PTPRN2: variants seen among roughly 807,000 people sequenced by gnomAD.
PTPRN2 encodes the protein protein tyrosine phosphatase receptor type N2, also known as receptor-type tyrosine-protein phosphatase N2.
PTPRN2 carries 74 observed loss-of-function variants against 118.8 expected under a neutral mutation model. The observed-to-expected ratio is 0.62, with a 90% CI of 0.52 to 0.76. The LOEUF is 0.76. Among genes scored for constraint, PTPRN2 ranks in the 30% least tolerant of loss-of-function variants. PTPRN2 has a pLI of 0.00. For synonymous variants in PTPRN2, 641 were observed against 608.0 expected (o/e 1.05, Z -0.80); for missense variants, 1,481 against 1,394.4 (o/e 1.06, Z -0.99).
intron 3 of PTPRN2, among the ~76,000 whole-genome samples, chr7:158,256,535 C>G (rs1436979899): frequency 6.6e-6 from 1 of 151,864 alleles, no homozygotes; most frequent in Non-Finnish European, 1.5e-5. Context: ...CCTATTGGTT[C>G]AGGTACCTGA....
At chr7:157,588,694 C>T (rs1800814381) in intron 17 of PTPRN2, among the ~76,000 whole-genome samples, 1 of 152,238 alleles carries the variant, frequency 6.6e-6, no homozygotes, top group African/African-American at 2.4e-5. Context: ...TTGTAAACAA[C>T]ACCTACTCTG....
intron 11 of PTPRN2, among the ~76,000 whole-genome samples, chr7:158,051,370 C>T (rs1004792934): frequency 1.3e-5 from 2 of 152,214 alleles, no homozygotes; most frequent in Admixed American, 6.5e-5. Context: ...GCCCTCCCCT[C>T]AAACATCAGA....
chr7:158,087,039 C>A (rs1043974593), intron 10 of PTPRN2, among the ~76,000 whole-genome samples: 6 of 152,168 alleles, frequency 3.9e-5, no homozygotes, highest in Non-Finnish European at 8.8e-5. Context: ...ATCGGGGGAA[C>A]AAGACAAACA....
intron 2 of PTPRN2, among the ~76,000 whole-genome samples, chr7:158,369,000 A>C (rs1175791170): frequency 1.3e-5 from 2 of 151,900 alleles, no homozygotes; most frequent in African/African-American, 4.8e-5. Context: ...GGGCAGACCC[A>C]CCCTCAGTCT....
chr7:158,330,079 G>A (rs1586290354), intron 2 of PTPRN2, among the ~76,000 whole-genome samples: 1 of 143,550 alleles, frequency 7.0e-6, no homozygotes, highest in African/African-American at 2.6e-5. Flanking sequence ...CATAAGAGCT[G>A]ACACCTGCAG....
At chr7:158,134,747 C>T (rs1163953757) in intron 8 of PTPRN2, among the ~76,000 whole-genome samples, 5 of 152,184 alleles carry the variant, frequency 3.3e-5, no homozygotes, top group Non-Finnish European at 7.3e-5. Flanking sequence ...CCTCGGAACC[C>T]CCTGGCACCT....
At chr7:157,554,044 C>T (rs1486071455) in intron 21 of PTPRN2, among the ~76,000 whole-genome samples, 33 of 118,048 alleles carry the variant, frequency 2.8e-4, no homozygotes, top group African/African-American at 9.3e-4. Flanking sequence ...GGATCCTGCC[C>T]GCTCGCGTGC....
chr7:158,166,840 AC>A, intron 6 of PTPRN2, 90 bp downstream of exon 6: 1 of 1,366,360 alleles, frequency 7.3e-7, no homozygotes, highest in African/African-American at 1.5e-5. Flanking sequence ...TGCAGACCCC[AC>A]GTGTGGGAAG....
At chr7:158,333,198 T>G (rs1248738754) in intron 2 of PTPRN2, among the ~76,000 whole-genome samples, 1 of 105,226 alleles carries the variant, frequency 9.5e-6, no homozygotes, top group African/African-American at 4.3e-5. Context: ...ACTCTCACCA[T>G]AAGAGCTGTC....
intron 2 of PTPRN2, among the ~76,000 whole-genome samples, chr7:158,381,230 TCA>T (rs1810946581): frequency 6.6e-6 from 1 of 152,216 alleles, no homozygotes; most frequent in Non-Finnish European, 1.5e-5. Flanking sequence ...TTATTTTCTA[TCA>T]CACTGTCAGG....
chr7:157,725,583 C>T (rs1799528010), intron 12 of PTPRN2, among the ~76,000 whole-genome samples: 1 of 139,588 alleles, frequency 7.2e-6, no homozygotes, highest in African/African-American at 2.8e-5. Context: ...CAGACCCTCG[C>T]CTCCCAGGAG....
intron 1 of PTPRN2, among the ~76,000 whole-genome samples, chr7:158,571,507 A>C (rs1049489220): frequency 2.7e-5 from 4 of 148,274 alleles, no homozygotes; most frequent in Admixed American, 6.8e-5. Flanking sequence ...AAAAACAAAA[A>C]AAAACACACA....
intron 3 of PTPRN2, among the ~76,000 whole-genome samples, chr7:158,297,325 C>G (rs1378404404): frequency 2.0e-5 from 3 of 152,196 alleles, no homozygotes; most frequent in Non-Finnish European, 2.9e-5. Context: ...CTGAAATGTA[C>G]CAGAGAAACT....
At position 158,525,879 on chromosome 7, in the gene PTPRN2, TCA is replaced by T. The variant is rs1824739603; in HGVS notation, c.113-36096_113-36095del. Among the ~76,000 whole-genome samples the T allele has an allele frequency of 6.6e-6, 1 of 152,146 alleles. No homozygotes were observed. Among genetic ancestry groups the T allele is most frequent in the African/African-American group, 2.4e-5 (1 of 41,500 alleles). On this transcript the variant is annotated intron_variant, in intron 1 of 22. Transcript: ENST00000389418. This position sits in a 1 kb window ranked among gnomAD's most constrained non-coding sequence, Gnocchi z 4.1. Reference sequence around the variant, plus strand: ...TGATACAGGGTGAAGACGCCTCCCCTCACAGACCTCAGACCTGTCCCAGAGCC... The same window carrying T: ...TGATACAGGGTGAAGACGCCTCCCCTCAGACCTCAGACCTGTCCCAGAGCC...
At chr7:157,657,788 C>T (rs1795650160) in intron 13 of PTPRN2, among the ~76,000 whole-genome samples, 1 of 120,324 alleles carries the variant, frequency 8.3e-6, no homozygotes, top group Non-Finnish European at 1.8e-5. Context: ...CATATACACA[C>T]ACAAACGCCA....
At chr7:158,334,103 C>A (rs1236016420) in intron 2 of PTPRN2, among the ~76,000 whole-genome samples, 3 of 74,886 alleles carry the variant, frequency 4.0e-5, no homozygotes, top group Admixed American at 1.6e-4. Context: ...GAGGTGACAC[C>A]TGCAGACGTC....
At chr7:158,016,072 A>G (rs1806433531) in intron 11 of PTPRN2, among the ~76,000 whole-genome samples, 1 of 152,226 alleles carries the variant, frequency 6.6e-6, no homozygotes, top group South Asian at 2.1e-4. Flanking sequence ...TCAGGGAATA[A>G]GAGCCACTCC....
At chr7:158,167,982 G>C (rs1410099044) in intron 5 of PTPRN2, among the ~76,000 whole-genome samples, 9 of 152,210 alleles carry the variant, frequency 5.9e-5, no homozygotes. Flanking sequence ...TTATGAGTCT[G>C]TGTATCAATG....
chr7:158,245,208 ACGG>A (rs1796154325), intron 3 of PTPRN2, among the ~76,000 whole-genome samples: 17 of 48,856 alleles, frequency 3.5e-4, no homozygotes, highest in Non-Finnish European at 6.5e-4. Flanking sequence ...GCTGGAATCC[ACGG>A]TCATGCCGGA....
Sources: allele counts gnomAD v4.1 joint callset (sites outside exome capture counted in the v4.1 genomes callset), GRCh38; gene constraint gnomAD v4.1.1; non-coding constraint Gnocchi (gnomAD v3.1); transcripts MANE v1.5; gene names NCBI Gene and HGNC (gene_info 2026-07-23, HGNC 2026-07-21).